Variants in PTPRD observed in about 807,000 individuals in gnomAD.
PTPRD encodes the protein receptor-type tyrosine-protein phosphatase delta.
PTPRD carries 34 observed loss-of-function variants against 214.5 expected under a neutral mutation model. The ratio of observed to expected loss-of-function variants is 0.16; its 90% CI spans 0.12 to 0.21. The LOEUF is 0.21. Ranked by LOEUF, PTPRD falls within the 10% of genes least tolerant of loss-of-function variation. The pLI, the probability that PTPRD is intolerant of heterozygous loss-of-function variation, is 1.00. For synonymous variants in PTPRD, 1,128 were observed against 845.7 expected (o/e 1.33, Z -5.79); for missense variants, 2,545 against 2,398.7 (o/e 1.06, Z -1.27).
intron 7 of PTPRD, among the ~76,000 whole-genome samples, chr9:9,625,986 C>G (rs953992180): frequency 6.6e-6 from 1 of 152,026 alleles, no homozygotes; most frequent in African/African-American, 2.4e-5. Flanking sequence ...TGAGTTCTGC[C>G]TTTGTAGCAC....
chr9:9,758,618 T>C (rs1357044015), intron 6 of PTPRD, among the ~76,000 whole-genome samples: 5 of 152,072 alleles, frequency 3.3e-5, no homozygotes, highest in Admixed American at 6.6e-5. Flanking sequence ...GAGAGTTACA[T>C]ATGGAAGGAC....
chr9:8,693,411 T>A (rs2097849028), intron 12 of PTPRD, among the ~76,000 whole-genome samples: 1 of 152,206 alleles, frequency 6.6e-6, no homozygotes. Flanking sequence ...AGAGAAAACA[T>A]GGAAAGAAAC....
At chr9:10,484,947 CAG>C (rs753887878) in intron 2 of PTPRD, among the ~76,000 whole-genome samples, 24 of 151,938 alleles carry the variant, frequency 1.6e-4, no homozygotes, top group Non-Finnish European at 2.7e-4. Flanking sequence ...ATCAATGTCC[CAG>C]AGAGTTTCTC....
At chr9:8,730,591 G>A (rs554093511) in intron 12 of PTPRD, among the ~76,000 whole-genome samples, 3 of 152,334 alleles carry the variant, frequency 2.0e-5, no homozygotes, top group Admixed American at 2.0e-4. Flanking sequence ...GCTAACAGTA[G>A]GTTCTTGGTC....
chr9:9,362,810 G>C (rs1016631832), intron 9 of PTPRD, among the ~76,000 whole-genome samples: 1 of 151,258 alleles, frequency 6.6e-6, no homozygotes. Flanking sequence ...ATTGCCTTTT[G>C]AAAGTGATAG....
In PTPRD at chr9:9,585,030, A is replaced by C. The variant is rs2091682621; in HGVS notation, c.-286-10249T>G. Reference sequence around the variant, plus strand: ...GGAAAATTTACAGCACACAGAAGTTAACCACTTCTTCTTTCATAAAATTCT... The same window carrying C: ...GGAAAATTTACAGCACACAGAAGTTCACCACTTCTTCTTTCATAAAATTCT... On this transcript the variant is annotated intron_variant, in intron 7 of 45. Transcript: ENST00000381196. Among the ~76,000 whole-genome samples the C allele has an allele frequency of 4.6e-5, 7 of 152,084 alleles. No individual in the cohort carries two copies. The South Asian group carries it at 1.4e-3, about 32-fold the overall frequency.
chr9:8,743,013 A>G (rs2092272422), intron 11 of PTPRD, among the ~76,000 whole-genome samples: 1 of 151,544 alleles, frequency 6.6e-6, no homozygotes, highest in Non-Finnish European at 1.5e-5. Flanking sequence ...GCCCCCCAAC[A>G]AGAAATTATC....
intron 2 of PTPRD, among the ~76,000 whole-genome samples, chr9:10,455,433 T>C (rs2098904226): frequency 6.6e-6 from 1 of 151,778 alleles, no homozygotes; most frequent in Non-Finnish European, 1.5e-5. Flanking sequence ...TCTATATTTC[T>C]TGTCTTAACC....
chr9:9,465,806 G>T (rs906541429), intron 8 of PTPRD, among the ~76,000 whole-genome samples: 6 of 152,116 alleles, frequency 3.9e-5, no homozygotes, highest in Non-Finnish European at 7.4e-5. Context: ...GTGGCGATTT[G>T]CTTCCATGGA....
chr9:8,552,502 T>C (rs973210232), intron 14 of PTPRD, among the ~76,000 whole-genome samples: 30 of 152,100 alleles, frequency 2.0e-4, no homozygotes, highest in Admixed American at 1.2e-3. Flanking sequence ...ACCACCTTCA[T>C]TGCACTCTTC....
intron 11 of PTPRD, among the ~76,000 whole-genome samples, chr9:8,885,316 G>C (rs952610226): frequency 6.6e-6 from 1 of 151,956 alleles, no homozygotes; most frequent in East Asian, 1.9e-4. Context: ...GGGTTTCTCA[G>C]GGCATGGGAT....
intron 9 of PTPRD, among the ~76,000 whole-genome samples, chr9:9,261,661 T>TGC (rs2099980172): frequency 6.6e-6 from 1 of 151,474 alleles, no homozygotes; most frequent in African/African-American, 2.4e-5. Context: ...TGTGTGTGTG[T>TGC]GTGTGTGTGT....
At chr9:9,899,302 G>A (rs12344667) in intron 5 of PTPRD, among the ~76,000 whole-genome samples, 37,799 of 151,762 alleles carry the variant, frequency 0.25, 5,900 homozygotes, top group African/African-American at 0.44. Context: ...CTTCTGAACC[G>A]TGCATCTAAT....
At chr9:9,427,934 A>G (rs1212070664) in intron 8 of PTPRD, among the ~76,000 whole-genome samples, 1 of 152,210 alleles carries the variant, frequency 6.6e-6, no homozygotes, top group Non-Finnish European at 1.5e-5. Flanking sequence ...GAAAGGAACA[A>G]CCGTTACCAG....
intron 8 of PTPRD, among the ~76,000 whole-genome samples, chr9:9,401,565 C>G (rs992915024): frequency 1.3e-5 from 2 of 150,994 alleles, no homozygotes; most frequent in African/African-American, 4.9e-5. Context: ...TATAGACCAG[C>G]CTTTCTCTGT....
chr9:9,130,891 C>T (rs1048706642), intron 10 of PTPRD, among the ~76,000 whole-genome samples: 2 of 152,104 alleles, frequency 1.3e-5, no homozygotes, highest in Non-Finnish European at 2.9e-5. Flanking sequence ...AATCAAATGT[C>T]CATTTAAAAG....
At chr9:9,124,098 T>C (rs1209794587) in intron 10 of PTPRD, among the ~76,000 whole-genome samples, 2 of 152,144 alleles carry the variant, frequency 1.3e-5, no homozygotes, top group Non-Finnish European at 2.9e-5. Flanking sequence ...ATGGATATAA[T>C]TACCTTTTAT....
At chr9:9,619,618 TATA>T (rs1045522478) in intron 7 of PTPRD, among the ~76,000 whole-genome samples, 3 of 145,868 alleles carry the variant, frequency 2.1e-5, no homozygotes, top group Non-Finnish European at 3.0e-5. Flanking sequence ...AATATCTATA[TATA>T]ATAATCTATA....
At chr9:8,704,125 A>G (rs1565416470) in intron 12 of PTPRD, among the ~76,000 whole-genome samples, 1 of 152,130 alleles carries the variant, frequency 6.6e-6, no homozygotes, top group African/African-American at 2.4e-5. Context: ...AGGGGCCAGC[A>G]TTCTCTCTCA....
Sources: gnomAD v4.1 joint callset for allele counts (sites outside exome capture counted in the v4.1 genomes callset) on GRCh38, gnomAD v4.1.1 for gene constraint, MANE v1.5 for transcripts, NCBI Gene and HGNC (gene_info 2026-07-23, HGNC 2026-07-21) for gene names.